DGKH: variants seen among roughly 807,000 people sequenced by gnomAD.
DGKH encodes the protein DAG kinase eta.
Under a neutral mutation model 159.3 loss-of-function variants are expected in DGKH, and 90 were observed. The observed-to-expected ratio is 0.57, with a 90% CI of 0.48 to 0.67. The LOEUF (loss-of-function observed/expected upper bound fraction) is 0.67. DGKH is among the 30% of genes least tolerant of loss of function. The probability of loss-of-function intolerance (pLI) is 0.00; values close to 1 mark genes in which losing one functional copy is unlikely to be tolerated. For missense variants in DGKH, 1,181 were observed against 1,506.1 expected (o/e 0.78, Z 3.57); for synonymous variants, 536 against 553.8 (o/e 0.97, Z 0.45).
At chr13:42,141,499 T>C (rs1439381637) in intron 3 of DGKH, among the ~76,000 whole-genome samples, 1 of 152,178 alleles carries the variant, frequency 6.6e-6, no homozygotes, top group Non-Finnish European at 1.5e-5. Context: ...ACGGTTGAAC[T>C]AGTTTACAGT....
intron 30 of DGKH, among the ~76,000 whole-genome samples, chr13:42,252,972 G>A (rs181225706): frequency 2.6e-5 from 4 of 151,768 alleles, no homozygotes; most frequent in East Asian, 1.9e-4. Flanking sequence ...GGTCTTGACC[G>A]GCCTCCTACA....
chr13:42,121,561 G>A (rs1387875506), intron 1 of DGKH, among the ~76,000 whole-genome samples: 2 of 152,150 alleles, frequency 1.3e-5, no homozygotes, highest in East Asian at 1.9e-4. Flanking sequence ...TTATAATCCA[G>A]GCCAGTGCAA....
rs146254162 is a variant in DGKH, at chr13:42,064,676, G to T, written c.192+15711G>T. ...ATTCAAATTTAAAAAAGGAAAGAAAGAAAAGAAAGAGTACTAAAAGAAACT... is the reference window on the plus strand; with the variant it reads ...ATTCAAATTTAAAAAAGGAAAGAAATAAAAGAAAGAGTACTAAAAGAAACT... On this transcript the variant is annotated intron_variant, in intron 1 of 29. Transcript: ENST00000337343. Among the ~76,000 whole-genome samples, 5 of 152,140 alleles carry T rather than the reference G, an allele frequency of 3.3e-5. No individual in the cohort carries two copies. The East Asian group carries it at 9.7e-4, about 29-fold the overall frequency.
chr13:42,127,604 T>G (rs1955196185), intron 2 of DGKH, 31 bp downstream of exon 2: 5 of 1,584,878 alleles, frequency 3.2e-6, no homozygotes, highest in Non-Finnish European at 3.5e-6. Flanking sequence ...TTTCAAGCAA[T>G]TGAGGCTATG....
chr13:42,249,431 C>T (rs1024901438), intron 29 of DGKH, among the ~76,000 whole-genome samples: 1 of 151,936 alleles, frequency 6.6e-6, no homozygotes, highest in African/African-American at 2.4e-5. Context: ...AACAAACAAA[C>T]AAAAATACTG....
intron 1 of DGKH, among the ~76,000 whole-genome samples, chr13:42,095,624 G>T (rs1241794731): frequency 1.3e-5 from 2 of 152,064 alleles, no homozygotes; most frequent in Non-Finnish European, 2.9e-5. Flanking sequence ...CTCCTTCAAA[G>T]AAAAGCAAAG....
At chr13:42,061,846 C>T (rs1162461033) in intron 1 of DGKH, among the ~76,000 whole-genome samples, 1 of 152,132 alleles carries the variant, frequency 6.6e-6, no homozygotes, top group African/African-American at 2.4e-5. Flanking sequence ...AAAAGCCCTG[C>T]TGTTATAGAG....
At position 42,209,411 on chromosome 13, in the gene DGKH, A is replaced by C; in HGVS notation, c.2796A>C (p.Pro932=). Residue 932 remains proline (P), a synonymous_variant, in exon 23 of 30, where the codon CCA becomes CCC. Transcript: ENST00000337343. ...QVDGEAWVQP[P]GIIKIVHKNR... ...ATGGTGAAGCGTGGGTTCAGCCTCC[A>C]GGGATTATCAAAATTGTGCACAAAA... 2 of 1,613,646 alleles carry C rather than the reference A, an allele frequency of 1.2e-6. No homozygotes were observed. Among genetic ancestry groups the C allele is most frequent in the Admixed American group, 1.7e-5 (1 of 59,844 alleles).
chr13:42,214,218 G>A lies in DGKH; in HGVS notation c.3015-289G>A, dbSNP rs1483451153. ...TCACTTTCCAAGGATACTGAAAAAT[G>A]AAGTATTACTATATTTCATTCTTCA... On this transcript the variant is annotated intron_variant, in intron 24 of 29. Transcript: ENST00000337343. Among the ~76,000 whole-genome samples the A allele has an allele frequency of 5.3e-5, 8 of 152,134 alleles. No individual in the cohort carries two copies. The East Asian group carries it at 1.2e-3, about 22-fold the overall frequency.
chr13:42,168,388 G>A (rs564549830), intron 9 of DGKH, 52 bp from the exon 10 acceptor site: 2 of 1,471,198 alleles, frequency 1.4e-6, no homozygotes, highest in African/African-American at 2.8e-5. Flanking sequence ...AAAGAATTGA[G>A]GAAAGTGATT....
In DGKH at chr13:42,168,480, G is replaced by A. The variant is rs1956363596; in HGVS notation, c.1159G>A (p.Val387Ile). 2 of 1,614,120 alleles carry A rather than the reference G, an allele frequency of 1.2e-6. No individual in the cohort carries two copies. Among genetic ancestry groups the A allele is most frequent in the Non-Finnish European group, 1.7e-6 (2 of 1,179,984 alleles). ...FQKFDNFRIL[V>I]CGGDGSVGWV... ...GAAGTTTGACAATTTCCGGATTCTT[G>A]TTTGTGGAGGCGATGGAAGTGTAGG... Residue 387 changes from valine (V) to isoleucine (I), a missense_variant, in exon 10 of 30, where the codon GTT becomes ATT. Physicochemically the swap from Val to Ile is conservative, Grantham distance 29. Transcript: ENST00000337343.
rs774786374 is a variant in DGKH at position 42,168,761 on chromosome 13, C to G, written c.1310C>G (p.Thr437Ser). ...TGGGGAGGTTCATATGACGATGACA[C>G]CCAACTTCCTCAGATCCTAGAGAAA... Reference protein sequence around the residue: ...LGWGGSYDDDTQLPQILEKLE... With the variant: ...LGWGGSYDDDSQLPQILEKLE... Residue 437 changes from threonine to serine, a missense_variant, in exon 11 of 30, where the codon ACC (threonine) becomes AGC (serine). Physicochemically the swap from Thr to Ser is moderately conservative, Grantham distance 58. Transcript: ENST00000337343. The G allele has an allele frequency of 6.2e-7, 1 of 1,614,044 alleles. No individual in the cohort carries two copies.
At chr13:42,084,162 CAAT>C (rs1270203570) in intron 1 of DGKH, among the ~76,000 whole-genome samples, 2 of 152,122 alleles carry the variant, frequency 1.3e-5, no homozygotes, top group African/African-American at 4.8e-5. Flanking sequence ...ATATAAAAGA[CAAT>C]AGACATTTAT....
At chr13:42,092,376 T>C (rs550903769) in intron 1 of DGKH, among the ~76,000 whole-genome samples, 1 of 151,504 alleles carries the variant, frequency 6.6e-6, no homozygotes, top group South Asian at 2.1e-4. Context: ...AAAAATGTGG[T>C]ATATATACAA....
At chr13:42,243,559 A>G (rs1216982270), downstream of DGKH, among the ~76,000 whole-genome samples, 1 of 152,064 alleles carries the variant, frequency 6.6e-6, no homozygotes, top group Admixed American at 6.5e-5. Flanking sequence ...TGTAACACAG[A>G]GTGTTATGTG....
chr13:42,190,354 G>A, intron 15 of DGKH, 49 bp from the exon 16 acceptor site: 1 of 1,573,356 alleles, frequency 6.4e-7, no homozygotes. Flanking sequence ...TAATATTAAT[G>A]GGCTTTATTT....
At chr13:42,119,641 C>G (rs1955029340) in intron 1 of DGKH, among the ~76,000 whole-genome samples, 1 of 152,150 alleles carries the variant, frequency 6.6e-6, no homozygotes, top group Non-Finnish European at 1.5e-5. Flanking sequence ...GTGTTGTAAT[C>G]TCTTCTTTTT....
At chr13:42,223,291 C>T (rs918618094) in intron 29 of DGKH, among the ~76,000 whole-genome samples, 3 of 152,128 alleles carry the variant, frequency 2.0e-5, no homozygotes, top group Non-Finnish European at 4.4e-5. Context: ...TCCATTGCTT[C>T]CGGTACTACT....
chr13:42,103,781 G>T (rs1954695103), intron 1 of DGKH, among the ~76,000 whole-genome samples: 1 of 152,156 alleles, frequency 6.6e-6, no homozygotes, highest in Non-Finnish European at 1.5e-5. Flanking sequence ...CATTCCCTAA[G>T]CACATGACTT....
Sources: gnomAD v4.1 joint callset for allele counts (sites outside exome capture counted in the v4.1 genomes callset) on GRCh38, gnomAD v4.1.1 for gene constraint, MANE v1.5 for transcripts, NCBI Gene and HGNC (gene_info 2026-07-23, HGNC 2026-07-21) for gene names.